The following RGS20 variants were observed in gnomAD, a reference collection of about 807,000 sequenced individuals.
RGS20 encodes gz-selective GTPase-activating protein.
A neutral mutation model predicts 33.6 loss-of-function variants in RGS20; 30 were observed. That is an observed-to-expected ratio of 0.89 (90% CI 0.67 to 1.21). The LOEUF is 1.21. Among genes scored for constraint, RGS20 ranks in the 50% most tolerant of loss-of-function variants. RGS20 has a pLI of 0.00. For missense variants in RGS20, 472 were observed against 502.4 expected (o/e 0.94, Z 0.58); for synonymous variants, 208 against 197.9 (o/e 1.05, Z -0.43).
intron 4 of RGS20, among the ~76,000 whole-genome samples, chr8:53,952,494 G>A (rs191283922): frequency 1.3e-5 from 2 of 151,416 alleles, no homozygotes; most frequent in African/African-American, 4.8e-5. Flanking sequence ...GGGAGGCCAA[G>A]GTGGGTGGAT....
intron 2 of RGS20, among the ~76,000 whole-genome samples, chr8:53,902,360 T>C (rs754887563): frequency 1.8e-4 from 28 of 152,232 alleles, no homozygotes; most frequent in Non-Finnish European, 8.8e-5. Flanking sequence ...AACATCCTAA[T>C]GCATACTTTT....
At chr8:53,874,405 C>T (rs6996277) in intron 1 of RGS20, among the ~76,000 whole-genome samples, 44 of 146,008 alleles carry the variant, frequency 3.0e-4, no homozygotes, top group Admixed American at 6.1e-4. Context: ...TGTGTGTGCG[C>T]GCGCGTGTGC....
intron 2 of RGS20, among the ~76,000 whole-genome samples, chr8:53,924,041 A>T (rs1243607755): frequency 6.7e-6 from 1 of 149,960 alleles, no homozygotes; most frequent in Non-Finnish European, 1.5e-5. Flanking sequence ...TTTTTTTGAG[A>T]GTGTCTTGCT....
intron 2 of RGS20, among the ~76,000 whole-genome samples, chr8:53,900,330 C>T (rs900117995): frequency 3.9e-5 from 6 of 152,040 alleles, no homozygotes; most frequent in African/African-American, 7.2e-5. Context: ...TTTTTAGAGA[C>T]GGGGTCTCAC....
rs369966931 is a variant in RGS20, at chr8:53,944,225, C to G, written c.660-2440C>G. ...AAAAATCATGAATAAGGCAAAATGTCCACAATCTCTACTACTATTTAACAA... is the reference window on the plus strand; with the variant it reads ...AAAAATCATGAATAAGGCAAAATGTGCACAATCTCTACTACTATTTAACAA... On this transcript the variant is annotated intron_variant, in intron 3 of 5. Transcript: ENST00000297313. Among the ~76,000 whole-genome samples, 10 of 152,214 alleles carry G rather than the reference C, an allele frequency of 6.6e-5. No homozygotes were observed. In the East Asian group the frequency reaches 1.3e-3, roughly 21 times the overall value.
At chr8:53,955,977 C>A (rs1421335563) in intron 5 of RGS20, among the ~76,000 whole-genome samples, 1 of 152,116 alleles carries the variant, frequency 6.6e-6, no homozygotes, top group Non-Finnish European at 1.5e-5. Context: ...CCTCTCCTGT[C>A]ATGGAGCTCC....
chr8:53,868,571 T>A (rs1811973606), intron 1 of RGS20, among the ~76,000 whole-genome samples: 1 of 152,078 alleles, frequency 6.6e-6, no homozygotes, highest in Non-Finnish European at 1.5e-5. Flanking sequence ...TAAAAAAAAG[T>A]CAATATTCTT....
chr8:53,922,827 T>G (rs1813689670), intron 2 of RGS20, among the ~76,000 whole-genome samples: 1 of 152,000 alleles, frequency 6.6e-6, no homozygotes, highest in Non-Finnish European at 1.5e-5. Context: ...TGCCAGCTAA[T>G]TTTTTAAATT....
chr8:53,856,046 G>A (rs1263623426), intron 1 of RGS20, among the ~76,000 whole-genome samples: 1 of 152,096 alleles, frequency 6.6e-6, no homozygotes, highest in Admixed American at 6.5e-5. Context: ...AAAGTGGACT[G>A]TAGTTTCCTG....
chr8:53,868,600 C>T lies in RGS20; in HGVS notation c.166-10658C>T, dbSNP rs562484897. 2.6e-5 allele frequency among the ~76,000 whole-genome samples: 4 copies of T among 152,008 alleles called. No homozygotes were observed. In the South Asian group the frequency reaches 6.3e-4, roughly 24 times the overall value. On this transcript the variant is annotated intron_variant, in intron 1 of 5. Transcript: ENST00000297313. ...TATTCTTATAATAAAGATAAGTATA[C>T]AAAATGTGTTTTTATAGGGTTCTAC...
chr8:53,937,801 C>T (rs868534472), intron 2 of RGS20, among the ~76,000 whole-genome samples: 2 of 152,156 alleles, frequency 1.3e-5, no homozygotes, highest in Admixed American at 1.3e-4. Flanking sequence ...CATCACTGGT[C>T]GTTAGAGAAA....
chr8:53,893,182 C>G (rs1329294474), intron 2 of RGS20, among the ~76,000 whole-genome samples: 1 of 151,972 alleles, frequency 6.6e-6, no homozygotes, highest in African/African-American at 2.4e-5. Flanking sequence ...GCTGGTTGAC[C>G]TTTGCAGAGG....
At chr8:53,881,048 G>C (rs1563357432) in intron 2 of RGS20, 2 of 1,564,172 alleles carry the variant, frequency 1.3e-6, no homozygotes, top group Non-Finnish European at 1.7e-6. Context: ...AGCCGGCCGG[G>C]GCTTCCTCCC....
chr8:53,928,859 C>T (rs1394849745), intron 2 of RGS20, among the ~76,000 whole-genome samples: 1 of 151,724 alleles, frequency 6.6e-6, no homozygotes, highest in Non-Finnish European at 1.5e-5. Flanking sequence ...CGAAAGAAGA[C>T]AATGTCTTAT....
At chr8:53,861,587 T>C (rs920602143) in intron 1 of RGS20, among the ~76,000 whole-genome samples, 2 of 152,192 alleles carry the variant, frequency 1.3e-5, no homozygotes, top group Non-Finnish European at 1.5e-5. Context: ...CTTCTGTGAG[T>C]TGTATTTAAG....
At chr8:53,859,662 G>A (rs1811764762) in intron 1 of RGS20, among the ~76,000 whole-genome samples, 3 of 152,288 alleles carry the variant, frequency 2.0e-5, no homozygotes, top group South Asian at 4.1e-4. Context: ...ATACTGCTGT[G>A]AAGAAATACC....
chr8:53,925,026 T>C lies in RGS20; in HGVS notation c.511-14550T>C, dbSNP rs548515690. ...TGGAGCAATTTTAGTCCCTTTTAGC[T>C]TCTGGACTGATGTTGCCTCTGCCCA... is the stretch of plus-strand genomic sequence containing the variant. On this transcript the variant is annotated intron_variant, in intron 2 of 5. Transcript: ENST00000297313. 7.2e-5 allele frequency among the ~76,000 whole-genome samples: 11 copies of C among 152,316 alleles called. No homozygotes were observed. In the South Asian group the frequency reaches 2.3e-3, roughly 32 times the overall value.
chr8:53,921,883 T>TG (rs1238221508), intron 2 of RGS20, among the ~76,000 whole-genome samples: 2 of 137,792 alleles, frequency 1.5e-5, no homozygotes, highest in Admixed American at 1.4e-4. Context: ...ATTATAATAA[T>TG]GATTTTAAAT....
At chr8:53,947,812 TATA>T (rs1814558155) in intron 4 of RGS20, among the ~76,000 whole-genome samples, 8 of 135,226 alleles carry the variant, frequency 5.9e-5, no homozygotes, top group Admixed American at 1.5e-4. Context: ...ATATATAGGA[TATA>T]GTATATACAT....
Sources: allele counts gnomAD v4.1 joint callset (sites outside exome capture counted in the v4.1 genomes callset), GRCh38; gene constraint gnomAD v4.1.1; transcripts MANE v1.5; gene names NCBI Gene and HGNC (gene_info 2026-07-23, HGNC 2026-07-21).